NIP7: variants seen among roughly 807,000 people sequenced by gnomAD.
The protein encoded by NIP7 is 60S ribosome subunit biogenesis protein NIP7 homolog.
NIP7 carries 12 observed loss-of-function variants against 20.1 expected under a neutral mutation model. The observed-to-expected ratio is 0.60, with a 90% CI of 0.38 to 0.97. The LOEUF (loss-of-function observed/expected upper bound fraction) is 0.97, where lower values mean the gene tolerates loss of function less well. NIP7 is among the 50% of genes least tolerant of loss of function. The pLI, the probability that NIP7 is intolerant of heterozygous loss-of-function variation, is 0.00. For synonymous variants in NIP7, 103 were observed against 87.2 expected (o/e 1.18, Z -1.01); for missense variants, 226 against 226.6 (o/e 1.00, Z 0.02).
In NIP7 at chr16:69,341,247, G is replaced by A. The variant is rs756625455; in HGVS notation, c.350G>A (p.Gly117Asp). The A allele has an allele frequency of 2.5e-6, 4 of 1,614,124 alleles. No homozygotes were observed. In the Admixed American group the frequency reaches 5.0e-5, roughly 20 times the overall value. The change falls in exon 4 of 5, where the codon GGT becomes GAT. Residue 117 changes from glycine to aspartate, a missense_variant. Transcript: ENST00000254940. ...FLYGNHVLKS[G>D]LGRITENTSQ... ...TATGGGAACCATGTGTTGAAATCTG[G>A]TCTGGGTCGAATCACTGAAAATACT...
chr16:69,340,518 C>A (rs1305989273), intron 3 of NIP7, 186 bp downstream of exon 3: 4 of 724,590 alleles, frequency 5.5e-6, no homozygotes, highest in African/African-American at 1.8e-5. Context: ...TATGTGGCTG[C>A]GTAGGGTTAG....
chr16:69,341,816 TTATTA>T lies in NIP7; in HGVS notation c.*168_*172del, dbSNP rs2012565200. On this transcript the variant is annotated 3_prime_UTR_variant, in exon 5 of 5. Coordinates refer to ENST00000254940, the MANE Select transcript of NIP7 (RefSeq NM_016101.5). The stretch of plus-strand genomic sequence containing the variant: ...TCACTGACAAATGCAGGCTGGATTC[TTATTA>T]TATACAGAGATGGCTCAAAAATGGG... 2.6e-6 allele frequency: 2 copies of T among 761,572 alleles called. No individual in the cohort carries two copies. The highest frequency in any genetic ancestry group is 2.9e-5 in the Admixed American group (1 of 34,538). 47.2% of individuals were successfully genotyped at this position (761,572 alleles called of 1,614,324 possible).
intron 4 of NIP7, 63 bp from the exon 5 acceptor site, chr16:69,341,457 CTTTGTTATTTCCA>C (rs2012549484): frequency 6.3e-7 from 1 of 1,585,408 alleles, no homozygotes; most frequent in African/African-American, 1.4e-5. Context: ...TTTTTTCCGT[CTTTGTTATTTCCA>C]GCCCTCAATA....
intron 4 of NIP7, 34 bp downstream of exon 4, chr16:69,341,354 G>A (rs2012544358): frequency 1.9e-6 from 3 of 1,609,504 alleles, no homozygotes; most frequent in Non-Finnish European, 1.7e-6. Context: ...CAGAACTCAA[G>A]TACTCTTATT....
At position 69,342,883 on chromosome 16, in the gene NIP7, G is replaced by C. The variant is rs755644591; in HGVS notation, c.*1231G>C. 1 of 152,364 alleles carries C rather than the reference G, an allele frequency of 6.6e-6. No individual in the cohort carries two copies. Among genetic ancestry groups the C allele is most frequent in the Admixed American group, 6.5e-5 (1 of 15,298 alleles). 9.4% of individuals were successfully genotyped at this position (152,364 alleles called of 1,614,324 possible). A position where few individuals can be genotyped will look rare whatever the true frequency, so the allele number is the denominator to read the frequency against. On this transcript the variant is annotated 3_prime_UTR_variant, in exon 5 of 5. Coordinates refer to ENST00000254940, the MANE Select transcript of NIP7 (RefSeq NM_016101.5). ...TGGATTGGACTAAAAGCACTGATCA[G>C]AGGCCACGACATAAAAATTCAGTCC...
At chr16:69,341,441 A>C (rs2012548838) in intron 4 of NIP7, 92 bp from the exon 5 acceptor site, 1 of 1,583,238 alleles carries the variant, frequency 6.3e-7, no homozygotes. Flanking sequence ...AAAGACCAGA[A>C]CTGTATTTTT....
intron 3 of NIP7, 174 bp from the exon 4 acceptor site, chr16:69,341,006 C>G (rs552922743): frequency 3.3e-6 from 2 of 601,202 alleles, no homozygotes; most frequent in Non-Finnish European, 5.7e-6. Context: ...AGCCACTGCA[C>G]CGGGCAACTT....
At chr16:69,341,431 A>G (rs1454572481) in intron 4 of NIP7, 102 bp from the exon 5 acceptor site, 3 of 1,574,938 alleles carry the variant, frequency 1.9e-6, no homozygotes, top group South Asian at 2.3e-5. Context: ...TGAATCCCAG[A>G]AAGACCAGAA....
intron 3 of NIP7, chr16:69,340,590 T>TGGCA (rs1249190433): frequency 1.6e-5 from 8 of 490,348 alleles, no homozygotes; most frequent in Admixed American, 3.4e-5. Context: ...AGCAAATAAG[T>TGGCA]GGCAGCAATG....
Position 69,342,139 on chromosome 16 carries a change from C to G in NIP7, c.*487C>G, listed in dbSNP as rs1056670700. On this transcript the variant is annotated 3_prime_UTR_variant, in exon 5 of 5. Coordinates refer to ENST00000254940, the MANE Select transcript of NIP7 (RefSeq NM_016101.5). ...ATTGGTGTGTGGTATAGAAGAAAAA[C>G]GGGTTCAAACCCCACTTCTGCCACC... is the stretch of plus-strand genomic sequence containing the variant. 1 of 152,480 alleles carries G rather than the reference C, an allele frequency of 6.6e-6. No individual in the cohort carries two copies. The highest frequency in any genetic ancestry group is 6.5e-5 in the Admixed American group (1 of 15,292). 9.4% of individuals were successfully genotyped at this position (152,480 alleles called of 1,614,324 possible).
rs2012576984 is a variant in NIP7, at chr16:69,342,195, C to T, written c.*543C>T. On this transcript the variant is annotated 3_prime_UTR_variant, in exon 5 of 5. Coordinates refer to ENST00000254940, the MANE Select transcript of NIP7 (RefSeq NM_016101.5). Reference sequence around the variant, plus strand: ...GCTATATGGCCTTGAATGAGTCATTCAGCTTTAATAAGGTTCATTTTCTTC... The same window carrying T: ...GCTATATGGCCTTGAATGAGTCATTTAGCTTTAATAAGGTTCATTTTCTTC... The T allele has an allele frequency of 6.6e-6, 1 of 152,210 alleles. No homozygotes were observed. The highest frequency in any genetic ancestry group is 2.4e-5 in the African/African-American group (1 of 41,422). 9.4% of individuals were successfully genotyped at this position (152,210 alleles called of 1,614,324 possible).
intron 3 of NIP7, 116 bp downstream of exon 3, chr16:69,340,448 C>A: frequency 7.7e-7 from 1 of 1,297,266 alleles, no homozygotes; most frequent in Non-Finnish European, 1.1e-6. Context: ...AGTTTCAGCA[C>A]ATGGAGATGT....
At chr16:69,341,020 G>C (rs2012522913) in intron 3 of NIP7, 160 bp from the exon 4 acceptor site, 2 of 657,556 alleles carry the variant, frequency 3.0e-6, no homozygotes, top group Non-Finnish European at 5.0e-6. Flanking sequence ...GCAACTTCCT[G>C]CATTTCTGTT....
Position 69,341,832 on chromosome 16 carries a change from TGGCTC to T in NIP7, c.*181_*185del. 1.6e-6 allele frequency: 1 copy of T among 611,456 alleles called. No individual in the cohort carries two copies. The highest frequency in any genetic ancestry group is 2.7e-6 in the Non-Finnish European group (1 of 374,962). The allele number at this position is 611,456 out of a possible 1,614,324, so 37.9% of individuals were successfully genotyped here. A position where few individuals can be genotyped will look rare whatever the true frequency, so the allele number is the denominator to read the frequency against. ...GCTGGATTCTTATTATATACAGAGA[TGGCTC>T]AAAAATGGGGTTTCAGATCTTTGTG... is the stretch of plus-strand genomic sequence containing the variant. On this transcript the variant is annotated 3_prime_UTR_variant, in exon 5 of 5. Transcript: ENST00000254940.
At chr16:69,340,686 T>C (rs941963138) in intron 3 of NIP7, 1 of 253,396 alleles carries the variant, frequency 3.9e-6, no homozygotes, top group Non-Finnish European at 7.6e-6. Flanking sequence ...TTTTCTATTT[T>C]TTTCTTTTTC....
Position 69,341,741 on chromosome 16 carries a change from T to C in NIP7, c.*89T>C, listed in dbSNP as rs2012563006. The C allele has an allele frequency of 1.3e-6, 2 of 1,516,776 alleles. No individual in the cohort carries two copies. The highest frequency in any genetic ancestry group is 1.8e-5 in the Admixed American group (1 of 55,356). The allele number at this position is 1,516,776 out of a possible 1,614,324, so 94.0% of individuals were successfully genotyped here. ...GTGGACTCCACCATCATGTTGAATT[T>C]TGTCAACACTCTGGCCTCTTCAGGG... is the stretch of plus-strand genomic sequence containing the variant. On this transcript the variant is annotated 3_prime_UTR_variant, in exon 5 of 5. Coordinates refer to ENST00000254940, the MANE Select transcript of NIP7 (RefSeq NM_016101.5).
chr16:69,340,392 T>C, intron 3 of NIP7, 60 bp downstream of exon 3: 1 of 1,579,826 alleles, frequency 6.3e-7, no homozygotes, highest in South Asian at 1.1e-5. Context: ...AGGCAGATTG[T>C]CCGGCAGCTT....
In NIP7 at chr16:69,342,655, G is replaced by C. The variant is rs956687861; in HGVS notation, c.*1003G>C. ...GGAAATGATAGGTATGGAATAAATGGTAATTATTTTTATATTATATATATT... is the reference window on the plus strand; with the variant it reads ...GGAAATGATAGGTATGGAATAAATGCTAATTATTTTTATATTATATATATT... On this transcript the variant is annotated 3_prime_UTR_variant, in exon 5 of 5. Coordinates refer to ENST00000254940, the MANE Select transcript of NIP7 (RefSeq NM_016101.5). 2.0e-5 allele frequency: 3 copies of C among 151,954 alleles called. No homozygotes were observed. Among genetic ancestry groups the C allele is most frequent in the South Asian group, 4.1e-4 (2 of 4,832 alleles). 9.4% of individuals were successfully genotyped at this position (151,954 alleles called of 1,614,324 possible). A position where few individuals can be genotyped will look rare whatever the true frequency, so the allele number is the denominator to read the frequency against.
At chr16:69,340,418 C>T in intron 3 of NIP7, 86 bp downstream of exon 3, 1 of 1,506,908 alleles carries the variant, frequency 6.6e-7, no homozygotes, top group Non-Finnish European at 9.0e-7. Flanking sequence ...CCACAGAGTC[C>T]CTGACAGTGT....
Sources: gnomAD v4.1 joint callset for allele counts on GRCh38, gnomAD v4.1.1 for gene constraint, MANE v1.5 for transcripts, NCBI Gene and HGNC (gene_info 2026-07-23, HGNC 2026-07-21) for gene names.